Variants in RNF144B observed in about 807,000 individuals in gnomAD.
The protein encoded by RNF144B is ring finger protein 144B.
Under a neutral mutation model 40.2 loss-of-function variants are expected in RNF144B, and 25 were observed. The ratio of observed to expected loss-of-function variants is 0.62; its 90% CI spans 0.45 to 0.87. The LOEUF (loss-of-function observed/expected upper bound fraction) is 0.87, where lower values mean the gene tolerates loss of function less well. Ranked by LOEUF, RNF144B falls within the 40% of genes least tolerant of loss-of-function variation. RNF144B has a pLI of 0.00. For synonymous variants in RNF144B, 145 were observed against 136.3 expected (o/e 1.06, Z -0.44); for missense variants, 365 against 373.7 (o/e 0.98, Z 0.19).
chr6:18,462,607 A>G (rs1481744750), intron 6 of RNF144B, among the ~76,000 whole-genome samples: 1 of 151,160 alleles, frequency 6.6e-6, no homozygotes, highest in African/African-American at 2.4e-5. Context: ...AGACCATTAG[A>G]TAGATTATCT....
At chr6:18,392,625 T>C (rs1794607421) in intron 1 of RNF144B, among the ~76,000 whole-genome samples, 1 of 152,176 alleles carries the variant, frequency 6.6e-6, no homozygotes, top group Non-Finnish European at 1.5e-5. Context: ...CTAAATAAAG[T>C]GCTTTTTGAG....
chr6:18,462,601 C>G (rs548202641), intron 6 of RNF144B, among the ~76,000 whole-genome samples: 15 of 152,020 alleles, frequency 9.9e-5, no homozygotes, highest in African/African-American at 3.6e-4. Flanking sequence ...ATGAACAGAC[C>G]ATTAGATAGA....
At chr6:18,439,585 G>A (rs1324481406) in intron 3 of RNF144B, 99 bp from the exon 4 acceptor site, 1 of 821,492 alleles carries the variant, frequency 1.2e-6, no homozygotes, top group South Asian at 1.4e-5. Context: ...TTGGTGTAGA[G>A]AAAGTATAAT....
rs1216214387 is a variant in RNF144B at position 18,418,747 on chromosome 6, A to C, written c.166-8834A>C. 1.3e-5 allele frequency among the ~76,000 whole-genome samples: 2 copies of C among 152,088 alleles called. No individual in the cohort carries two copies. The highest frequency in any genetic ancestry group is 2.4e-5 in the African/African-American group (1 of 41,506). On this transcript the variant is annotated intron_variant, in intron 2 of 7. Transcript: ENST00000259939. This position sits in a 1 kb window ranked among gnomAD's most constrained non-coding sequence, Gnocchi z 5.2. ...TACGTGAATTATATCTCAGTTATAGATATCTGAATTATATCTCAATAAAAC... is the reference window on the plus strand; with the variant it reads ...TACGTGAATTATATCTCAGTTATAGCTATCTGAATTATATCTCAATAAAAC...
rs1759585402 is a variant in RNF144B at position 18,467,052 on chromosome 6, A to T, written c.*1985A>T. ...TGTTAGTATAATTATAGATTTACAT[A>T]TATTTGAATAGTTAATTTGCTTTGT... On this transcript the variant is annotated 3_prime_UTR_variant, in exon 8 of 8. Coordinates refer to ENST00000259939, the MANE Select transcript of RNF144B (RefSeq NM_182757.4). 1 of 152,684 alleles carries T rather than the reference A, an allele frequency of 6.5e-6. No individual in the cohort carries two copies. Among genetic ancestry groups the T allele is most frequent in the Admixed American group, 6.5e-5 (1 of 15,286 alleles). The allele number at this position is 152,684 out of a possible 1,614,324, so 9.5% of individuals were successfully genotyped here. A position where few individuals can be genotyped will look rare whatever the true frequency, so the allele number is the denominator to read the frequency against.
chr6:18,459,845 A>T lies in RNF144B; in HGVS notation c.681+94A>T, dbSNP rs1242521517. 8.3e-7 allele frequency: 1 copy of T among 1,203,082 alleles called. No homozygotes were observed. The highest frequency in any genetic ancestry group is 1.5e-5 in the African/African-American group (1 of 65,658). The allele number at this position is 1,203,082 out of a possible 1,614,324, so 74.5% of individuals were successfully genotyped here. A position where few individuals can be genotyped will look rare whatever the true frequency, so the allele number is the denominator to read the frequency against. On this transcript the variant is annotated intron_variant, in intron 6 of 7. Transcript: ENST00000259939. The surrounding 1 kb of genome is among the most constrained non-coding windows in gnomAD (Gnocchi z 4.2). ...AGATTTTCCTTTAAAATATTGGGGCAATTTTTGTCCTGCAAAAGGAATTTA... is the reference window on the plus strand; with the variant it reads ...AGATTTTCCTTTAAAATATTGGGGCTATTTTTGTCCTGCAAAAGGAATTTA...
At position 18,459,838 on chromosome 6, in the gene RNF144B, T is replaced by C. The variant is rs1019706608; in HGVS notation, c.681+87T>C. On this transcript the variant is annotated intron_variant, in intron 6 of 7. Coordinates refer to ENST00000259939, the MANE Select transcript of RNF144B (RefSeq NM_182757.4). This position sits in a 1 kb window ranked among gnomAD's most constrained non-coding sequence, Gnocchi z 4.2. ...ATCCTACAGATTTTCCTTTAAAATATTGGGGCAATTTTTGTCCTGCAAAAG... is the reference window on the plus strand; with the variant it reads ...ATCCTACAGATTTTCCTTTAAAATACTGGGGCAATTTTTGTCCTGCAAAAG... 1.9e-5 allele frequency: 25 copies of C among 1,285,560 alleles called. No individual in the cohort carries two copies. The highest frequency in any genetic ancestry group is 2.3e-5 in the Non-Finnish European group (22 of 940,782). The allele number at this position is 1,285,560 out of a possible 1,614,324, so 79.6% of individuals were successfully genotyped here.
At position 18,410,726 on chromosome 6, in the gene RNF144B, G is replaced by A. The variant is rs1373613584; in HGVS notation, c.165+11027G>A. ...CATTATGGAGCCACTGGAAGGCTTT[G>A]TTTGGGAATGAGATAGGGAGGATGG... On this transcript the variant is annotated intron_variant, in intron 2 of 7. Coordinates refer to ENST00000259939, the MANE Select transcript of RNF144B (RefSeq NM_182757.4). The surrounding 1 kb of genome is among the most constrained non-coding windows in gnomAD (Gnocchi z 4.6). 6.6e-6 allele frequency among the ~76,000 whole-genome samples: 1 copy of A among 152,124 alleles called. No homozygotes were observed. The highest frequency in any genetic ancestry group is 1.5e-5 in the Non-Finnish European group (1 of 68,026).
At chr6:18,404,005 A>G (rs747001087) in intron 2 of RNF144B, among the ~76,000 whole-genome samples, 3 of 152,222 alleles carry the variant, frequency 2.0e-5, no homozygotes, top group Non-Finnish European at 4.4e-5. Context: ...AGTGGCACCA[A>G]GCCATTCCCC....
chr6:18,463,785 G>T, intron 7 of RNF144B, among the ~76,000 whole-genome samples: 1 of 152,208 alleles, frequency 6.6e-6, no homozygotes, highest in Admixed American at 6.5e-5. Context: ...ATTAAGGAAA[G>T]GGGTTTAATG....
intron 1 of RNF144B, chr6:18,396,885 A>T: frequency 7.4e-6 from 7 of 946,828 alleles, no homozygotes; most frequent in Non-Finnish European, 8.8e-6. Context: ...AAAAACTCAA[A>T]ATCCTGAATT....
In RNF144B at chr6:18,459,319, C is replaced by A. The variant is rs1380908827; in HGVS notation, c.537-288C>A. On this transcript the variant is annotated intron_variant, in intron 5 of 7. Coordinates refer to ENST00000259939, the MANE Select transcript of RNF144B (RefSeq NM_182757.4). This position sits in a 1 kb window ranked among gnomAD's most constrained non-coding sequence, Gnocchi z 4.2. ...GCTGTGTAGCCAACTCCTTGCCATT[C>A]TTATTTAGGCAATGCATGCTTAGGG... Among the ~76,000 whole-genome samples the A allele has an allele frequency of 9.2e-5, 14 of 152,120 alleles. No individual in the cohort carries two copies. Among genetic ancestry groups the A allele is most frequent in the African/African-American group, 3.4e-4 (14 of 41,412 alleles).
At chr6:18,415,084 C>T (rs1359664797) in intron 2 of RNF144B, among the ~76,000 whole-genome samples, 1 of 152,042 alleles carries the variant, frequency 6.6e-6, no homozygotes, top group Non-Finnish European at 1.5e-5. Context: ...ATATCTAATA[C>T]AATGTAAATC....
chr6:18,388,967 C>G (rs565372990), intron 1 of RNF144B, among the ~76,000 whole-genome samples: 2 of 152,066 alleles, frequency 1.3e-5, no homozygotes. Context: ...AATTGGGTTG[C>G]TTGGCTTTTT....
At chr6:18,403,906 A>G (rs963677076) in intron 2 of RNF144B, among the ~76,000 whole-genome samples, 2 of 152,296 alleles carry the variant, frequency 1.3e-5, no homozygotes. Flanking sequence ...GGCTTTCTAA[A>G]AACTCACTCT....
chr6:18,447,283 A>AC lies in RNF144B; in HGVS notation c.331+7541dup, dbSNP rs1208723229. Among the ~76,000 whole-genome samples, 1 of 152,106 alleles carries AC rather than the reference A, an allele frequency of 6.6e-6. No homozygotes were observed. The highest frequency in any genetic ancestry group is 1.5e-5 in the Non-Finnish European group (1 of 68,026). On this transcript the variant is annotated intron_variant, in intron 4 of 7. Coordinates refer to ENST00000259939, the MANE Select transcript of RNF144B (RefSeq NM_182757.4). This position sits in a 1 kb window ranked among gnomAD's most constrained non-coding sequence, Gnocchi z 5.6. The stretch of plus-strand genomic sequence containing the variant: ...CATCATTTCAGGCAGAGGTAAAGGT[A>AC]CCTACAAAGCCCCTGAGGCAAGAAC...
intron 4 of RNF144B, among the ~76,000 whole-genome samples, chr6:18,452,853 C>G (rs2113529884): frequency 6.6e-6 from 1 of 151,672 alleles, no homozygotes; most frequent in African/African-American, 2.4e-5. Flanking sequence ...GGCATGATCT[C>G]AGCTCACTGT....
rs1248824012 is a variant in RNF144B, at chr6:18,400,770, CTT to C, written c.165+1072_165+1073del. Among the ~76,000 whole-genome samples the C allele has an allele frequency of 6.6e-6, 1 of 152,168 alleles. No homozygotes were observed. The highest frequency in any genetic ancestry group is 2.4e-5 in the African/African-American group (1 of 41,440). ...AAGGAAACAAAACCCAGCGAAGTTTCTTGCTTTTAGGAGCTTATATTCTATAT... is the reference window on the plus strand; with the variant it reads ...AAGGAAACAAAACCCAGCGAAGTTTCGCTTTTAGGAGCTTATATTCTATAT... On this transcript the variant is annotated intron_variant, in intron 2 of 7. Coordinates refer to ENST00000259939, the MANE Select transcript of RNF144B (RefSeq NM_182757.4). The surrounding 1 kb of genome is among the most constrained non-coding windows in gnomAD (Gnocchi z 5.6).
chr6:18,427,537 A>G, intron 2 of RNF144B, 44 bp from the exon 3 acceptor site: 2 of 1,337,288 alleles, frequency 1.5e-6, no homozygotes, highest in Non-Finnish European at 2.1e-6. Context: ...CCTTTCTGCT[A>G]CTGTAATGGA....
Sources: gnomAD v4.1 joint callset for allele counts (sites outside exome capture counted in the v4.1 genomes callset) on GRCh38, gnomAD v4.1.1 for gene constraint, Gnocchi (gnomAD v3.1) non-coding constraint, MANE v1.5 for transcripts, NCBI Gene and HGNC (gene_info 2026-07-23, HGNC 2026-07-21) for gene names.